The following CSMD1 variants were observed in gnomAD, a reference collection of about 807,000 sequenced individuals.
The protein encoded by CSMD1 is CUB and sushi domain-containing protein 1.
Under a neutral mutation model 417.5 loss-of-function variants are expected in CSMD1, and 213 were observed. The ratio of observed to expected loss-of-function variants is 0.51; its 90% confidence interval spans 0.46 to 0.57. The LOEUF is 0.57. Among genes scored for constraint, CSMD1 ranks in the 20% least tolerant of loss-of-function variants. The probability of loss-of-function intolerance (pLI) is 0.00; values close to 1 mark genes in which losing one functional copy is unlikely to be tolerated. For synonymous variants in CSMD1, 2,862 were observed against 1,736.8 expected (o/e 1.65, Z -16.11); for missense variants, 6,923 against 4,529.7 (o/e 1.53, Z -15.17).
intron 3 of CSMD1, among the ~76,000 whole-genome samples, chr8:4,097,588 C>A (rs984813301): frequency 1.3e-5 from 2 of 152,128 alleles, no homozygotes; most frequent in Non-Finnish European, 2.9e-5. Context: ...TCTAGTAACA[C>A]CCAGATTGAT....
chr8:3,789,615 T>C (rs961197313), intron 5 of CSMD1, among the ~76,000 whole-genome samples: 3 of 151,950 alleles, frequency 2.0e-5, no homozygotes, highest in Non-Finnish European at 4.4e-5. Flanking sequence ...ATAATTCTTT[T>C]AGTCTTTAAG....
intron 30 of CSMD1, among the ~76,000 whole-genome samples, chr8:3,206,379 G>C (rs1682519742): frequency 7.4e-6 from 1 of 134,790 alleles, no homozygotes; most frequent in Non-Finnish European, 1.6e-5. Flanking sequence ...GGGTATGTCT[G>C]TGTGTGTGTA....
At chr8:4,056,515 A>C (rs933110501) in intron 3 of CSMD1, among the ~76,000 whole-genome samples, 9 of 151,254 alleles carry the variant, frequency 6.0e-5, no homozygotes, top group African/African-American at 2.0e-4. Flanking sequence ...GCTACTAAGG[A>C]AAGCATTTAA....
In CSMD1 at chr8:3,563,442, TAAAAAAA is replaced by T. The variant is rs60108067; in HGVS notation, c.1344+11496_1344+11502del. On this transcript the variant is annotated intron_variant, in intron 10 of 69. Coordinates refer to ENST00000635120, the MANE Select transcript of CSMD1 (RefSeq NM_033225.6). The stretch of plus-strand genomic sequence containing the variant: ...ATAAAATAGGTAACGTATTAAAAGG[TAAAAAAA>T]AAAAAAAAAAAAAAAGGACCACATC... 1.2e-3 allele frequency among the ~76,000 whole-genome samples: 78 copies of T among 62,776 alleles called. 1 individual carries two copies. The highest frequency in any genetic ancestry group is 4.4e-3 in the African/African-American group (74 of 16,834). The allele number at this position is 62,776 out of a possible 152,430, so 41.2% of individuals were successfully genotyped here.
chr8:4,049,107 C>A (rs779271936), intron 3 of CSMD1, among the ~76,000 whole-genome samples: 14 of 152,252 alleles, frequency 9.2e-5, no homozygotes, highest in Non-Finnish European at 1.8e-4. Flanking sequence ...CCTGCTCTCT[C>A]CACATTCTTT....
At chr8:3,361,971 T>C (rs1199726315) in intron 20 of CSMD1, among the ~76,000 whole-genome samples, 1 of 152,182 alleles carries the variant, frequency 6.6e-6, no homozygotes, top group Non-Finnish European at 1.5e-5. Context: ...TTGCAAGGTG[T>C]GCATGTTCAT....
intron 25 of CSMD1, among the ~76,000 whole-genome samples, chr8:3,303,284 G>A (rs1360904780): frequency 1.3e-5 from 2 of 152,100 alleles, no homozygotes; most frequent in African/African-American, 2.4e-5. Context: ...TTCCTACTGG[G>A]ATCTGGAAGG....
At chr8:3,443,935 T>C (rs933244780) in intron 12 of CSMD1, among the ~76,000 whole-genome samples, 8 of 152,146 alleles carry the variant, frequency 5.3e-5, no homozygotes, top group African/African-American at 1.9e-4. Context: ...AATTCCACCT[T>C]TATCAGAGTT....
chr8:4,582,442 AAC>A (rs996553007), intron 2 of CSMD1, among the ~76,000 whole-genome samples: 34 of 152,306 alleles, frequency 2.2e-4, no homozygotes, highest in African/African-American at 6.7e-4. Context: ...AGAGAAAGAA[AAC>A]ACAGAGTGGT....
At chr8:3,596,352 G>A (rs1801094605) in intron 8 of CSMD1, among the ~76,000 whole-genome samples, 1 of 152,158 alleles carries the variant, frequency 6.6e-6, no homozygotes, top group African/African-American at 2.4e-5. Flanking sequence ...GCAGGGAAGT[G>A]ACATATATTA....
chr8:4,567,078 T>C (rs1333681742), intron 2 of CSMD1, among the ~76,000 whole-genome samples: 1 of 151,888 alleles, frequency 6.6e-6, no homozygotes, highest in Non-Finnish European at 1.5e-5. Flanking sequence ...ATAGCTTAAA[T>C]TTATTAATCT....
intron 3 of CSMD1, among the ~76,000 whole-genome samples, chr8:4,216,418 A>T (rs1379823480): frequency 6.6e-6 from 1 of 152,176 alleles, no homozygotes; most frequent in Non-Finnish European, 1.5e-5. Context: ...GGTAAAATTA[A>T]TACTTATTTG....
In CSMD1 at chr8:4,144,631, G is replaced by C. The variant is rs930584068; in HGVS notation, c.416-112532C>G. ...AGACAAGCTTGTTCTTGTTTGTCTG[G>C]AGCTTCTTTTTATCAGGAGATAATC... On this transcript the variant is annotated intron_variant, in intron 3 of 69. Coordinates refer to ENST00000635120, the MANE Select transcript of CSMD1 (RefSeq NM_033225.6). Among the ~76,000 whole-genome samples the C allele has an allele frequency of 3.3e-5, 5 of 150,946 alleles. 1 individual carries two copies. Among genetic ancestry groups the C allele is most frequent in the African/African-American group, 9.9e-5 (4 of 40,306 alleles).
chr8:3,932,066 T>C (rs1193705738), intron 5 of CSMD1, among the ~76,000 whole-genome samples: 5 of 150,446 alleles, frequency 3.3e-5, no homozygotes, highest in African/African-American at 7.4e-5. Flanking sequence ...GGATTCAATA[T>C]AAACATATCT....
At chr8:3,733,579 G>C (rs1171946886) in intron 6 of CSMD1, among the ~76,000 whole-genome samples, 1 of 152,028 alleles carries the variant, frequency 6.6e-6, no homozygotes, top group Non-Finnish European at 1.5e-5. Context: ...CATTCTTCGA[G>C]TGTGATGAAA....
intron 3 of CSMD1, among the ~76,000 whole-genome samples, chr8:4,210,036 A>G (rs1800215037): frequency 6.6e-6 from 1 of 152,186 alleles, no homozygotes; most frequent in African/African-American, 2.4e-5. Flanking sequence ...TATTTGGTCC[A>G]GTGTCTAAGC....
At chr8:3,952,275 A>T (rs1811646905) in intron 5 of CSMD1, among the ~76,000 whole-genome samples, 1 of 152,158 alleles carries the variant, frequency 6.6e-6, no homozygotes, top group African/African-American at 2.4e-5. Flanking sequence ...CACACAGTAA[A>T]TACTTCTAGA....
At chr8:4,841,147 T>A (rs1180253591) in intron 1 of CSMD1, among the ~76,000 whole-genome samples, 1 of 152,218 alleles carries the variant, frequency 6.6e-6, no homozygotes, top group African/African-American at 2.4e-5. Context: ...ACTGAATGCA[T>A]ATATAAATAA....
At chr8:4,715,713 G>T (rs958818381) in intron 1 of CSMD1, among the ~76,000 whole-genome samples, 1 of 151,972 alleles carries the variant, frequency 6.6e-6, no homozygotes, top group Non-Finnish European at 1.5e-5. Context: ...AAACACCAAG[G>T]TATCACCCTC....
Sources: gnomAD v4.1 joint callset for allele counts (sites outside exome capture counted in the v4.1 genomes callset) on GRCh38, gnomAD v4.1.1 for gene constraint, MANE v1.5 for transcripts, NCBI Gene and HGNC (gene_info 2026-07-23, HGNC 2026-07-21) for gene names.